RBFOX1: variants seen among roughly 807,000 people sequenced by gnomAD.
RBFOX1 encodes RNA binding protein fox-1 homolog 1.
In RBFOX1, 8 loss-of-function variants were observed where a neutral mutation model predicts 57.7. The ratio of observed to expected loss-of-function variants is 0.14; its 90% CI spans 0.08 to 0.25. The LOEUF (loss-of-function observed/expected upper bound fraction) is 0.25, where lower values mean the gene tolerates loss of function less well. RBFOX1 is among the 10% of genes least tolerant of loss of function. The probability of loss-of-function intolerance (pLI) is 1.00; values close to 1 mark genes in which losing one functional copy is unlikely to be tolerated. For missense variants in RBFOX1, 611 were observed against 548.5 expected, an observed-to-expected ratio of 1.11 and a Z score of -1.14; for synonymous variants, 326 against 222.4, an observed-to-expected ratio of 1.47 and a Z score of -4.15.
At chr16:6,889,745 G>C (rs773131301) in intron 3 of RBFOX1, among the ~76,000 whole-genome samples, 4 of 152,168 alleles carry the variant, frequency 2.6e-5, no homozygotes, top group Non-Finnish European at 4.4e-5. Context: ...TCTTGGAATA[G>C]ACCCTTCAGT....
chr16:5,916,278 G>A (rs1048403450), intron 4 of RBFOX1, among the ~76,000 whole-genome samples: 4 of 152,128 alleles, frequency 2.6e-5, no homozygotes, highest in South Asian at 2.1e-4. Context: ...TCTAATTCTC[G>A]GATTATTCTT....
chr16:6,426,447 A>G (rs1160680680), intron 2 of RBFOX1, among the ~76,000 whole-genome samples: 1 of 152,098 alleles, frequency 6.6e-6, no homozygotes, highest in African/African-American at 2.4e-5. Context: ...GGAGTCGGAG[A>G]AAGGCAGGGT....
rs1047305222 is a variant in RBFOX1, at chr16:7,211,897, G to A, written c.27+159799G>A. Among the ~76,000 whole-genome samples, 39 of 152,122 alleles carry A rather than the reference G, an allele frequency of 2.6e-4. 1 individual carries two copies. The highest frequency in any genetic ancestry group is 2.3e-3 in the Admixed American group (35 of 15,264). On this transcript the variant is annotated intron_variant, in intron 4 of 15. Transcript: ENST00000550418. ...AGCAAAATAAAATTAGAAATGTGCT[G>A]GTCGGGGGAAGCCAGCTACCCACAG...
intron 3 of RBFOX1, among the ~76,000 whole-genome samples, chr16:6,870,761 C>T (rs77910341): frequency 1.3e-5 from 2 of 152,300 alleles, no homozygotes; most frequent in African/African-American, 4.8e-5. Context: ...CCCAGCCCCT[C>T]AACAAACTAA....
At chr16:6,111,431 C>T (rs1006044514) in intron 1 of RBFOX1, among the ~76,000 whole-genome samples, 1 of 152,158 alleles carries the variant, frequency 6.6e-6, no homozygotes, top group African/African-American at 2.4e-5. Context: ...TGTGAAACCA[C>T]CAACACCTTT....
chr16:5,687,991 C>T (rs187884811), intron 3 of RBFOX1, among the ~76,000 whole-genome samples: 37 of 152,262 alleles, frequency 2.4e-4, no homozygotes, highest in African/African-American at 8.2e-4. Context: ...TCGTTCTCTG[C>T]AAGGGCCCAA....
At chr16:5,620,988 T>A (rs1037726086) in intron 3 of RBFOX1, among the ~76,000 whole-genome samples, 1 of 152,016 alleles carries the variant, frequency 6.6e-6, no homozygotes, top group African/African-American at 2.4e-5. Flanking sequence ...CTATAGACGC[T>A]CGCCACCACG....
chr16:5,473,034 G>C (rs2069192224), intron 2 of RBFOX1, among the ~76,000 whole-genome samples: 1 of 152,158 alleles, frequency 6.6e-6, no homozygotes, highest in African/African-American at 2.4e-5. Flanking sequence ...CCCCTGCCTT[G>C]ATCCATGAGG....
chr16:6,820,557 G>C (rs979364145), intron 3 of RBFOX1, among the ~76,000 whole-genome samples: 16 of 151,926 alleles, frequency 1.1e-4, no homozygotes, highest in African/African-American at 3.9e-4. Flanking sequence ...TACTTGGGAT[G>C]GTGAGGCAGG....
At chr16:6,557,640 A>G (rs913755178) in intron 2 of RBFOX1, among the ~76,000 whole-genome samples, 3 of 152,206 alleles carry the variant, frequency 2.0e-5, no homozygotes, top group African/African-American at 7.2e-5. Context: ...TTCCCATTCT[A>G]TCTCTGATGA....
At chr16:7,328,352 T>G (rs1243322506) in intron 4 of RBFOX1, among the ~76,000 whole-genome samples, 3 of 151,592 alleles carry the variant, frequency 2.0e-5, no homozygotes, top group Non-Finnish European at 2.9e-5. Context: ...TGGTGGCGGA[T>G]CCCTGTAATC....
chr16:6,676,561 A>G (rs549024568), intron 3 of RBFOX1, among the ~76,000 whole-genome samples: 5 of 152,234 alleles, frequency 3.3e-5, no homozygotes, highest in Admixed American at 2.6e-4. Context: ...ACCCCTATCA[A>G]TATGTAAGCT....
At chr16:7,308,137 C>T (rs189405687) in intron 4 of RBFOX1, among the ~76,000 whole-genome samples, 3 of 152,078 alleles carry the variant, frequency 2.0e-5, no homozygotes, top group Non-Finnish European at 4.4e-5. Context: ...CATGGACACA[C>T]AGGACACAGA....
intron 1 of RBFOX1, among the ~76,000 whole-genome samples, chr16:5,461,175 G>A (rs1212111126): frequency 1.3e-5 from 2 of 152,206 alleles, no homozygotes; most frequent in Non-Finnish European, 2.9e-5. Flanking sequence ...TCGTGGTCTT[G>A]CTGTTTGCAA....
intron 3 of RBFOX1, among the ~76,000 whole-genome samples, chr16:6,875,209 A>C (rs1347442877): frequency 6.6e-6 from 1 of 152,186 alleles, no homozygotes; most frequent in Non-Finnish European, 1.5e-5. Flanking sequence ...GCTACGGTTG[A>C]TGATGATGAT....
chr16:5,359,292 C>G (rs1202457527), intron 1 of RBFOX1, among the ~76,000 whole-genome samples: 2 of 152,178 alleles, frequency 1.3e-5, no homozygotes, highest in Non-Finnish European at 2.9e-5. Flanking sequence ...GCAGAAATCT[C>G]CTTGATATAC....
chr16:6,666,977 T>C (rs2098737072), intron 3 of RBFOX1, among the ~76,000 whole-genome samples: 1 of 152,228 alleles, frequency 6.6e-6, no homozygotes, highest in Non-Finnish European at 1.5e-5. Context: ...CAAGGGCTTC[T>C]GACTCTAGGA....
chr16:5,429,973 C>T (rs2067679293), intron 1 of RBFOX1, among the ~76,000 whole-genome samples: 1 of 152,170 alleles, frequency 6.6e-6, no homozygotes, highest in Non-Finnish European at 1.5e-5. Context: ...TTGCTTATCA[C>T]TGAAGGAGGC....
intron 3 of RBFOX1, among the ~76,000 whole-genome samples, chr16:6,706,698 C>A (rs1222090316): frequency 1.4e-5 from 2 of 139,398 alleles, no homozygotes; most frequent in Non-Finnish European, 3.0e-5. Flanking sequence ...GTTCTAATGG[C>A]TACAGCTGCA....
Sources: allele counts gnomAD v4.1 joint callset (sites outside exome capture counted in the v4.1 genomes callset), GRCh38; gene constraint gnomAD v4.1.1; transcripts MANE v1.5; gene names NCBI Gene and HGNC (gene_info 2026-07-23, HGNC 2026-07-21).